The following RIMS4 variants were observed in gnomAD, a reference collection of about 807,000 sequenced individuals.
The protein encoded by RIMS4 is regulating synaptic membrane exocytosis protein 4.
RIMS4 carries 9 observed loss-of-function variants against 29.0 expected under a neutral mutation model. The observed-to-expected ratio is 0.31, with a 90% confidence interval of 0.19 to 0.54. The LOEUF (loss-of-function observed/expected upper bound fraction) is 0.54. RIMS4 is among the 20% of genes least tolerant of loss of function. RIMS4 has a pLI of 0.94. For missense variants in RIMS4, 193 were observed against 365.7 expected (o/e 0.53, Z 3.85); for synonymous variants, 130 against 152.9 (o/e 0.85, Z 1.10).
chr20:44,756,223 T>C lies in RIMS4; in HGVS notation c.721A>G (p.Met241Val), dbSNP rs1568892913. ...AGGGGGCCTGTGGCTGGGTCCACCATGGAGGAGGTGGGGAAGAGCTTGTAC... is the reference window on the plus strand; with the variant it reads ...AGGGGGCCTGTGGCTGGGTCCACCACGGAGGAGGTGGGGAAGAGCTTGTAC... Reference protein sequence around the residue: ...GWYKLFPTSSMVDPATGPLLR... With the variant: ...GWYKLFPTSSVVDPATGPLLR... Residue 241 changes from methionine to valine, a missense_variant, in exon 6 of 6, where the codon ATG (methionine) becomes GTG (valine). Coordinates refer to ENST00000372851, the MANE Select transcript of RIMS4 (RefSeq NM_182970.4). The surrounding 1 kb of genome is among the most constrained non-coding windows in gnomAD (Gnocchi z 5.9). The C allele has an allele frequency of 1.2e-6, 2 of 1,613,844 alleles. No individual in the cohort carries two copies. The highest frequency in any genetic ancestry group is 1.7e-6 in the Non-Finnish European group (2 of 1,179,894).
At chr20:44,803,149 C>G (rs1202526560) in intron 1 of RIMS4, among the ~76,000 whole-genome samples, 3 of 152,148 alleles carry the variant, frequency 2.0e-5, no homozygotes, top group African/African-American at 7.2e-5. Context: ...GAATATAACT[C>G]CCTGAGAGCA....
At chr20:44,810,144 C>CG in intron 1 of RIMS4, 31 bp downstream of exon 1, 1 of 1,334,354 alleles carries the variant, frequency 7.5e-7, no homozygotes, top group Non-Finnish European at 1.0e-6. Flanking sequence ...CGGGACACCC[C>CG]GGGGGTCTGG....
At chr20:44,786,277 CCAT>C (rs1168216507) in intron 1 of RIMS4, among the ~76,000 whole-genome samples, 3 of 152,172 alleles carry the variant, frequency 2.0e-5, no homozygotes, top group African/African-American at 7.2e-5. Context: ...CACACCCCCA[CCAT>C]CATTCCCAAA....
intron 1 of RIMS4, among the ~76,000 whole-genome samples, chr20:44,807,486 A>T (rs2066303727): frequency 6.6e-6 from 1 of 152,170 alleles, no homozygotes; most frequent in Non-Finnish European, 1.5e-5. Context: ...AGCAGCAACA[A>T]AGGGGAGGCT....
intron 1 of RIMS4, among the ~76,000 whole-genome samples, chr20:44,804,767 C>A (rs1184947231): frequency 6.6e-6 from 1 of 152,116 alleles, no homozygotes; most frequent in Non-Finnish European, 1.5e-5. Context: ...CCTCTCTCCC[C>A]CTTCCCACCA....
rs1381287047 is a variant in RIMS4 at position 44,758,193 on chromosome 20, G to T, written c.237-9C>A. The T allele has an allele frequency of 6.3e-7, 1 of 1,596,236 alleles. No homozygotes were observed. The highest frequency in any genetic ancestry group is 8.6e-7 in the Non-Finnish European group (1 of 1,167,562). On this transcript the variant is annotated splice_polypyrimidine_tract_variant and intron_variant, in intron 2 of 5. Coordinates refer to ENST00000372851, the MANE Select transcript of RIMS4 (RefSeq NM_182970.4). Reference sequence around the variant, plus strand: ...CTCCTCCATAGTTAAGGCTGCAAGAGGAAAAGGTGAGACAAAGCACACATT... The same window carrying T: ...CTCCTCCATAGTTAAGGCTGCAAGATGAAAAGGTGAGACAAAGCACACATT...
chr20:44,789,287 G>A (rs1003535179), intron 1 of RIMS4, among the ~76,000 whole-genome samples: 1 of 152,120 alleles, frequency 6.6e-6, no homozygotes, highest in Non-Finnish European at 1.5e-5. Context: ...CACAGTATGA[G>A]AATTTCTTTT....
Position 44,769,404 on chromosome 20 carries a change from C to G in RIMS4, c.236+1871G>C, listed in dbSNP as rs536450118. 1.0e-3 allele frequency among the ~76,000 whole-genome samples: 154 copies of G among 152,150 alleles called. 1 individual carries two copies. The highest frequency in any genetic ancestry group is 1.6e-3 in the Admixed American group (24 of 15,282). On this transcript the variant is annotated intron_variant, in intron 2 of 5. Transcript: ENST00000372851. ...CCTCCAGACCTGCCCGTGAGGCTGA[C>G]AGATATTTACTGGCCTCAAACATGA...
At chr20:44,787,415 C>T (rs1194277833) in intron 1 of RIMS4, among the ~76,000 whole-genome samples, 2 of 152,150 alleles carry the variant, frequency 1.3e-5, no homozygotes, top group Non-Finnish European at 2.9e-5. Context: ...TTTATCTAAT[C>T]CCCACAACAA....
chr20:44,761,879 G>A (rs756954000), intron 2 of RIMS4, among the ~76,000 whole-genome samples: 7 of 152,186 alleles, frequency 4.6e-5, no homozygotes, highest in African/African-American at 1.2e-4. Flanking sequence ...ATAAAGTCAC[G>A]TAAGTGTCTG....
At position 44,801,538 on chromosome 20, in the gene RIMS4, C is replaced by T. The variant is rs569568604; in HGVS notation, c.97+8637G>A. Among the ~76,000 whole-genome samples the T allele has an allele frequency of 2.0e-5, 3 of 152,274 alleles. 1 individual carries two copies. Among genetic ancestry groups the T allele is most frequent in the African/African-American group, 7.2e-5 (3 of 41,560 alleles). On this transcript the variant is annotated intron_variant, in intron 1 of 5. Coordinates refer to ENST00000372851, the MANE Select transcript of RIMS4 (RefSeq NM_182970.4). ...TGAACTTCCTGGTTTTAACACATAG[C>T]CCTCCCTTTTCCCAATGCAGAAAAG...
chr20:44,758,269 T>C, intron 2 of RIMS4, 85 bp from the exon 3 acceptor site: 1 of 879,594 alleles, frequency 1.1e-6, no homozygotes, highest in Non-Finnish European at 1.8e-6. Flanking sequence ...CTCCATGCAA[T>C]GGATATGCTG....
At chr20:44,798,008 C>T (rs998405488) in intron 1 of RIMS4, among the ~76,000 whole-genome samples, 6 of 152,212 alleles carry the variant, frequency 3.9e-5, no homozygotes, top group Non-Finnish European at 4.4e-5. Context: ...CAGGGCTCAT[C>T]CCACGACAAA....
At chr20:44,757,365 A>C (rs2066065148) in intron 4 of RIMS4, among the ~76,000 whole-genome samples, 1 of 149,112 alleles carries the variant, frequency 6.7e-6, no homozygotes, top group African/African-American at 2.5e-5. Context: ...CCCCTCACTC[A>C]CCAAGCCTGA....
chr20:44,805,361 C>G (rs550729633), intron 1 of RIMS4, among the ~76,000 whole-genome samples: 1 of 152,224 alleles, frequency 6.6e-6, no homozygotes, highest in South Asian at 2.1e-4. Flanking sequence ...TCTCACCCCA[C>G]CCCTCTACTT....
At chr20:44,781,626 T>G (rs996340092) in intron 1 of RIMS4, among the ~76,000 whole-genome samples, 1 of 152,130 alleles carries the variant, frequency 6.6e-6, no homozygotes, top group Non-Finnish European at 1.5e-5. Flanking sequence ...GGAGGTCCTA[T>G]GCTGAGCAGG....
rs1177015759 is a variant in RIMS4 at position 44,755,140 on chromosome 20, G to A, written c.*994C>T. On this transcript the variant is annotated 3_prime_UTR_variant, in exon 6 of 6. Coordinates refer to ENST00000372851, the MANE Select transcript of RIMS4 (RefSeq NM_182970.4). ...TTTTTTAAAAAGACTAAAATAGGGGGGCTCTATTTGCCTCCCCAGCCCCCT... is the reference window on the plus strand; with the variant it reads ...TTTTTTAAAAAGACTAAAATAGGGGAGCTCTATTTGCCTCCCCAGCCCCCT... 1.3e-5 allele frequency: 2 copies of A among 152,492 alleles called. No homozygotes were observed. Among genetic ancestry groups the A allele is most frequent in the East Asian group, 3.9e-4 (2 of 5,186 alleles). The allele number at this position is 152,492 out of a possible 1,614,324, so 9.4% of individuals were successfully genotyped here. A position where few individuals can be genotyped will look rare whatever the true frequency, so the allele number is the denominator to read the frequency against.
At chr20:44,762,977 G>C (rs1274579548) in intron 2 of RIMS4, among the ~76,000 whole-genome samples, 1 of 152,256 alleles carries the variant, frequency 6.6e-6, no homozygotes, top group Non-Finnish European at 1.5e-5. Context: ...TTGTTGGCCA[G>C]TGCCTGTGCT....
Position 44,810,510 on chromosome 20 carries a change from C to CGGCGGTGGCGGCGGCGGT in RIMS4, c.-257_-240dup, listed in dbSNP as rs1412695940. ...GTGCTGCTGGCGGCGGCGGCGGCGG[C>CGGCGGTGGCGGCGGCGGT]GGCGGTGGCGGCGGCGGTGGCGGCG... is the stretch of plus-strand genomic sequence containing the variant. On this transcript the variant is annotated 5_prime_UTR_variant, in exon 1 of 6. Coordinates refer to ENST00000372851, the MANE Select transcript of RIMS4 (RefSeq NM_182970.4). Among the ~76,000 whole-genome samples, 4 of 137,516 alleles carry CGGCGGTGGCGGCGGCGGT rather than the reference C, an allele frequency of 2.9e-5. No individual in the cohort carries two copies. Among genetic ancestry groups the CGGCGGTGGCGGCGGCGGT allele is most frequent in the South Asian group, 4.3e-4 (2 of 4,620 alleles). The allele number at this position is 137,516 out of a possible 152,430, so 90.2% of individuals were successfully genotyped here. A position where few individuals can be genotyped will look rare whatever the true frequency, so the allele number is the denominator to read the frequency against.
Sources: allele counts gnomAD v4.1 joint callset (sites outside exome capture counted in the v4.1 genomes callset), GRCh38; gene constraint gnomAD v4.1.1; non-coding constraint Gnocchi (gnomAD v3.1); transcripts MANE v1.5; gene names NCBI Gene and HGNC (gene_info 2026-07-23, HGNC 2026-07-21).